Variants in CSDE1 observed in about 807,000 individuals in gnomAD.
CSDE1 encodes the protein cold shock domain containing E1.
CSDE1 carries 17 observed loss-of-function variants against 89.3 expected under a neutral mutation model. The ratio of observed to expected loss-of-function variants is 0.19; its 90% confidence interval spans 0.13 to 0.29. CSDE1 has a LOEUF of 0.29. Among genes scored for constraint, CSDE1 ranks in the 10% least tolerant of loss-of-function variants. The pLI is 1.00. For missense variants in CSDE1, 672 were observed against 984.2 expected (o/e 0.68, Z 4.24); for synonymous variants, 322 against 332.8 (o/e 0.97, Z 0.35).
chr1:114,722,590 T>C (rs992362250), intron 16 of CSDE1, among the ~76,000 whole-genome samples: 1 of 152,174 alleles, frequency 6.6e-6, no homozygotes, highest in African/African-American at 2.4e-5. Flanking sequence ...TTGGACTATA[T>C]CCCACCAGGC....
rs1275033397 is a variant in CSDE1, at chr1:114,732,623, G to A, written c.1031C>T (p.Thr344Ile). The A allele has an allele frequency of 6.2e-7, 1 of 1,613,970 alleles. No homozygotes were observed. The highest frequency in any genetic ancestry group is 1.7e-5 in the Admixed American group (1 of 60,002). The change falls in exon 10 of 20, where the codon ACT becomes ATT. Residue 344 changes from threonine to isoleucine, a missense_variant. Physicochemically the swap from Thr to Ile is moderately conservative, Grantham distance 89 (BLOSUM62 -1). This residue lies in a region of CSDE1 where 169 missense variants were observed against 262.9 expected (regional missense o/e 0.64). Transcript: ENST00000358528. ...IEVLSNTFQF[T>I]NEAREMGVIA... The stretch of plus-strand genomic sequence containing the variant: ...ACTTACCATTTCTCGGGCTTCATTA[G>A]TGAACTGAAATGTATTTGACAGAAC...
At chr1:114,744,579 AAAAAC>A (rs1660913076) in intron 2 of CSDE1, among the ~76,000 whole-genome samples, 2 of 152,254 alleles carry the variant, frequency 1.3e-5, no homozygotes, top group East Asian at 1.9e-4. Flanking sequence ...AAACAAAAAC[AAAAAC>A]AAAACAACAA....
Position 114,739,879 on chromosome 1 carries a change from A to C in CSDE1, c.12T>G (p.Asp4Glu), listed in dbSNP as rs1169859269. 1.2e-6 allele frequency: 2 copies of C among 1,613,232 alleles called. No individual in the cohort carries two copies. Among genetic ancestry groups the C allele is most frequent in the Non-Finnish European group, 1.7e-6 (2 of 1,179,318 alleles). MSFDPNLLHNNGHN... is the reference protein window; with the variant it reads MSFEPNLLHNNGHN... ...GTCCATTGTTGTGGAGAAGGTTTGGATCAAAGCTCATCTGTTTTAAAAAGA... is the reference window on the plus strand; with the variant it reads ...GTCCATTGTTGTGGAGAAGGTTTGGCTCAAAGCTCATCTGTTTTAAAAAGA... The change falls in exon 3 of 20, where the codon GAT becomes GAG. Residue 4 changes from aspartate to glutamate, a missense_variant. Asp to Glu is a conservative substitution (Grantham distance 45). Transcript: ENST00000358528.
In CSDE1 at chr1:114,730,296, T is replaced by C; in HGVS notation, c.1318A>G (p.Asn440Asp). Residue 440 changes from asparagine to aspartate, a missense_variant, in exon 12 of 20, where the codon AAT becomes GAT. Transcript: ENST00000358528. Reference protein sequence around the residue: ...GTVEKEATFSNPKTTSPNKGK... With the variant: ...GTVEKEATFSDPKTTSPNKGK... ...TTATTTGGGCTAGTGGTTTTAGGAT[T>C]GGAAAAAGTGGCTTCTTTTTCTACC... is the stretch of plus-strand genomic sequence containing the variant. 6.2e-7 allele frequency: 1 copy of C among 1,614,190 alleles called. No homozygotes were observed.
chr1:114,730,374 G>C lies in CSDE1; in HGVS notation c.1240C>G (p.Pro414Ala). Residue 414 changes from proline to alanine, a missense_variant, in exon 12 of 20, where the codon CCC becomes GCC. By Grantham distance (27) the Pro-to-Ala change is conservative. This residue lies in a region of CSDE1 where 169 missense variants were observed against 262.9 expected (regional missense o/e 0.64). Transcript: ENST00000358528. ...GAATGAAATGAAACCGTGCCCTTGG[G>C]AAGTTTTTTAATCCTAATAGCATGA... ...RNHAIRIKKL[P>A]KGTVSFHSHS... 6.2e-7 allele frequency: 1 copy of C among 1,614,136 alleles called. No individual in the cohort carries two copies. Among genetic ancestry groups the C allele is most frequent in the Non-Finnish European group, 8.5e-7 (1 of 1,180,026 alleles).
In CSDE1 at chr1:114,717,304, C is replaced by G. The variant is rs1183266243; in HGVS notation, c.*865G>C. On this transcript the variant is annotated 3_prime_UTR_variant, in exon 20 of 20. Transcript: ENST00000358528. ...AAAACAAGATTCATTTCAGGCACAA[C>G]TTTTTTATTTTTTTTTGTTTTGTTT... 1 of 152,392 alleles carries G rather than the reference C, an allele frequency of 6.6e-6. No individual in the cohort carries two copies. The highest frequency in any genetic ancestry group is 1.5e-5 in the Non-Finnish European group (1 of 68,010). 9.4% of individuals were successfully genotyped at this position (152,392 alleles called of 1,614,324 possible).
At chr1:114,757,899 C>A (rs138272294) in intron 1 of CSDE1, 26 bp downstream of exon 1, 1 of 152,934 alleles carries the variant, frequency 6.5e-6, no homozygotes, top group African/African-American at 2.4e-5. Context: ...CTGCTACCCC[C>A]AGTTGGACCC....
intron 6 of CSDE1, among the ~76,000 whole-genome samples, chr1:114,736,332 A>C (rs1313945045): frequency 1.3e-5 from 2 of 152,218 alleles, no homozygotes; most frequent in Admixed American, 6.5e-5. Flanking sequence ...TGTTTTAAAC[A>C]ACGCAGATTC....
In CSDE1 at chr1:114,736,771, C is replaced by T; in HGVS notation, c.487G>A (p.Asp163Asn). The T allele has an allele frequency of 6.2e-7, 1 of 1,608,596 alleles. No individual in the cohort carries two copies. The highest frequency in any genetic ancestry group is 8.5e-7 in the Non-Finnish European group (1 of 1,176,322). The change falls in exon 6 of 20, where the codon GAT (aspartate) becomes AAT (asparagine). Residue 163 changes from aspartate (D) to asparagine (N), a missense_variant. Physicochemically the swap from Asp to Asn is conservative, Grantham distance 23. Around this residue, in one of 8 missense-constraint regions of CSDE1, gnomAD observed 124 missense variants for 138.7 expected, o/e 0.89. Transcript: ENST00000358528. ...AAAAGAACTTACTGTTTATTGTTATCAATTACAAAGTTTATTTTATCTCCA... is the reference window on the plus strand; with the variant it reads ...AAAAGAACTTACTGTTTATTGTTATTAATTACAAAGTTTATTTTATCTCCA... ...ETGDKINFVI[D>N]NNKHTGAVSA...
chr1:114,748,070 C>T (rs1661113282), intron 2 of CSDE1, among the ~76,000 whole-genome samples: 1 of 152,136 alleles, frequency 6.6e-6, no homozygotes, highest in African/African-American at 2.4e-5. Flanking sequence ...GTTTATGAGA[C>T]ATAGATAATT....
chr1:114,734,332 T>G, intron 7 of CSDE1, 110 bp downstream of exon 7: 1 of 1,126,478 alleles, frequency 8.9e-7, no homozygotes, highest in Non-Finnish European at 1.3e-6. Flanking sequence ...AACAGTGAAA[T>G]ATTTTAAAAG....
chr1:114,732,568 A>AT (rs780119516), intron 10 of CSDE1, 36 bp downstream of exon 10: 16 of 1,592,782 alleles, frequency 1.0e-5, no homozygotes, highest in Admixed American at 1.7e-5. Flanking sequence ...TGGCTTTCGC[A>AT]TATTAGATAC....
chr1:114,732,903 T>A, intron 9 of CSDE1, 87 bp from the exon 10 acceptor site: 1 of 1,179,078 alleles, frequency 8.5e-7, no homozygotes. Context: ...AGTAAACCCA[T>A]GTTATTTTTA....
intron 2 of CSDE1, chr1:114,741,378 A>C: frequency 1.6e-6 from 1 of 642,016 alleles, no homozygotes. Context: ...AATCTACTGA[A>C]GTTATCTTTC....
chr1:114,744,433 T>C (rs1055405696), intron 2 of CSDE1, among the ~76,000 whole-genome samples: 2 of 151,904 alleles, frequency 1.3e-5, no homozygotes, highest in Non-Finnish European at 2.9e-5. Context: ...ATACAAAAAT[T>C]AGCCAAAATT....
At position 114,736,834 on chromosome 1, in the gene CSDE1, TGTAA is replaced by T; in HGVS notation, c.420_423del (p.Tyr141ProfsTer17). The T allele has an allele frequency of 6.2e-7, 1 of 1,611,958 alleles. No individual in the cohort carries two copies. Among genetic ancestry groups the T allele is most frequent in the Non-Finnish European group, 8.5e-7 (1 of 1,178,826 alleles). On this transcript the variant is annotated frameshift_variant, in exon 6 of 20. Transcript: ENST00000358528. LOFTEE classifies it high-confidence loss of function. Reference sequence around the variant, plus strand: ...ACGTTCCCTTCGACATCTTCAGGGGTGTAAGTCAGATAAAACACTTCCTGTGAAT... The same window carrying T: ...ACGTTCCCTTCGACATCTTCAGGGGTGTCAGATAAAACACTTCCTGTGAAT...
chr1:114,751,303 G>A (rs1661294590), intron 1 of CSDE1, among the ~76,000 whole-genome samples: 1 of 152,090 alleles, frequency 6.6e-6, no homozygotes, highest in Non-Finnish European at 1.5e-5. Flanking sequence ...GTTACAAAAT[G>A]GTGTTAACGA....
Position 114,717,594 on chromosome 1 carries a change from A to T in CSDE1, c.*575T>A, listed in dbSNP as rs1659256604. 6.6e-6 allele frequency: 1 copy of T among 152,646 alleles called. No homozygotes were observed. The highest frequency in any genetic ancestry group is 2.4e-5 in the African/African-American group (1 of 41,470). 9.5% of individuals were successfully genotyped at this position (152,646 alleles called of 1,614,324 possible). A position where few individuals can be genotyped will look rare whatever the true frequency, so the allele number is the denominator to read the frequency against. ...GTGGATTGTGACAAGATTATAAATGATATGAAAAATAACATTTTAAAATTT... is the reference window on the plus strand; with the variant it reads ...GTGGATTGTGACAAGATTATAAATGTTATGAAAAATAACATTTTAAAATTT... On this transcript the variant is annotated 3_prime_UTR_variant, in exon 20 of 20. Coordinates refer to ENST00000358528, the MANE Select transcript of CSDE1 (RefSeq NM_001007553.3).
intron 13 of CSDE1, 35 bp from the exon 14 acceptor site, chr1:114,726,421 C>A: frequency 1.3e-6 from 2 of 1,541,708 alleles, no homozygotes; most frequent in Non-Finnish European, 1.8e-6. Context: ...AACACCATAT[C>A]ACTTCCACAC....
Sources: allele counts gnomAD v4.1 joint callset (sites outside exome capture counted in the v4.1 genomes callset), GRCh38; gene constraint gnomAD v4.1.1; regional missense constraint gnomAD v4.1.1; transcripts MANE v1.5; gene names NCBI Gene and HGNC (gene_info 2026-07-23, HGNC 2026-07-21).